Variants in POLRMT observed in about 807,000 individuals in gnomAD.
POLRMT encodes DNA-directed RNA polymerase, mitochondrial.
Under a neutral mutation model 132.2 loss-of-function variants are expected in POLRMT, and 114 were observed. That is an observed-to-expected ratio of 0.86 (90% CI 0.74 to 1.01). The LOEUF (loss-of-function observed/expected upper bound fraction) is 1.01. POLRMT is among the 50% of genes least tolerant of loss of function. The pLI is 0.00. For synonymous variants in POLRMT, 1,020 were observed against 773.4 expected (o/e 1.32, Z -5.29); for missense variants, 2,003 against 1,729.1 (o/e 1.16, Z -2.81).
rs771660305 is a variant in POLRMT, at chr19:622,672, G to A, written c.1536C>T (p.His512=). 21 of 1,606,088 alleles carry A rather than the reference G, an allele frequency of 1.3e-5. No homozygotes were observed. Among genetic ancestry groups the A allele is most frequent in the Non-Finnish European group, 1.6e-5 (19 of 1,177,678 alleles). ...CACTGACCCGCTGCCTCTGCACCAC[G>A]TGCCGGCTGAAAGTGCGCGCACTCA... ...RELSARTFSR[H]VVQRQRVSGQ... is the part of the protein sequence containing the mutation. Residue 512 remains histidine, a synonymous_variant, in exon 8 of 21, where the codon CAC becomes CAT. Coordinates refer to ENST00000588649, the MANE Select transcript of POLRMT (RefSeq NM_005035.4).
intron 14 of POLRMT, 24 bp from the exon 15 acceptor site, chr19:619,134 G>C (rs924688254): frequency 2.5e-6 from 4 of 1,610,844 alleles, no homozygotes; most frequent in Non-Finnish European, 3.4e-6. Flanking sequence ...GCCGTCTCAG[G>C]GCAGGGGGCT....
chr19:624,239 T>G (rs1984853577), intron 5 of POLRMT, among the ~76,000 whole-genome samples: 1 of 152,142 alleles, frequency 6.6e-6, no homozygotes, highest in African/African-American at 2.4e-5. Flanking sequence ...TGTGGTCCCA[T>G]TTCTATGGAA....
intron 13 of POLRMT, 77 bp from the exon 14 acceptor site, chr19:619,373 ACT>A (rs1984311542): frequency 2.0e-6 from 3 of 1,512,014 alleles, no homozygotes; most frequent in Middle Eastern, 2.4e-4. Context: ...TTTCAGAGCC[ACT>A]GAGGCCCAAG....
chr19:627,312 CG>C (rs374280655), intron 3 of POLRMT, among the ~76,000 whole-genome samples: 36 of 152,048 alleles, frequency 2.4e-4, no homozygotes, highest in African/African-American at 8.7e-4. Flanking sequence ...CCACCACACC[CG>C]GCTAATTTTT....
At chr19:619,480 G>A (rs1370007635) in intron 13 of POLRMT, 106 bp downstream of exon 13, 11 of 1,475,764 alleles carry the variant, frequency 7.5e-6, no homozygotes, top group Admixed American at 3.6e-5. Context: ...AGTGGTCTGG[G>A]GGAGCAGCCA....
intron 2 of POLRMT, among the ~76,000 whole-genome samples, chr19:630,828 T>G (rs1396222081): frequency 1.3e-5 from 2 of 152,222 alleles, no homozygotes; most frequent in South Asian, 2.1e-4. Context: ...AATCAATGCC[T>G]AAGTGTTCTG....
chr19:623,644 G>A, intron 5 of POLRMT, 41 bp from the exon 6 acceptor site: 4 of 1,603,016 alleles, frequency 2.5e-6, no homozygotes, highest in South Asian at 1.1e-5. Flanking sequence ...CTTGCCAGAG[G>A]GCGACCTGCC....
At position 621,177 on chromosome 19, in the gene POLRMT, G is replaced by C. The variant is rs556290665; in HGVS notation, c.2521C>G (p.Leu841Val). ...RPLGPHGLDW[L>V]KIHLVNLTGL... ...GTGAGATTGACCAGGTGGATCTTGA[G>C]CCAATCCAGGCCGTGCGGGCCGAGC... Residue 841 changes from leucine (L) to valine (V), a missense_variant, in exon 10 of 21, where the codon CTC becomes GTC. Physicochemically the swap from Leu to Val is conservative, Grantham distance 32 (BLOSUM62 1). Transcript: ENST00000588649. 30 of 1,610,796 alleles carry C rather than the reference G, an allele frequency of 1.9e-5. No homozygotes were observed. In the South Asian group the frequency reaches 3.2e-4, roughly 17 times the overall value.
rs1335800925 is a variant in POLRMT, at chr19:619,358, CCCT to C, written c.3067-65_3067-63del. The C allele has an allele frequency of 1.4e-5, 21 of 1,553,056 alleles. No individual in the cohort carries two copies. The Admixed American group carries it at 2.9e-4, about 21-fold the overall frequency. On this transcript the variant is annotated intron_variant, in intron 13 of 20. Coordinates refer to ENST00000588649, the MANE Select transcript of POLRMT (RefSeq NM_005035.4). ...GCTGGCCCGTTCACGCCCTACTCCCCCCTATTTCAGAGCCACTGAGGCCCAAGG... is the reference window on the plus strand; with the variant it reads ...GCTGGCCCGTTCACGCCCTACTCCCCATTTCAGAGCCACTGAGGCCCAAGG...
At chr19:633,334 G>C (rs570727387) in intron 1 of POLRMT, 91 bp downstream of exon 1, 7 of 1,355,612 alleles carry the variant, frequency 5.2e-6, no homozygotes, top group South Asian at 3.8e-5. Flanking sequence ...GGTGCAAAGA[G>C]GCAAAGGTCA....
At position 620,405 on chromosome 19, in the gene POLRMT, G is replaced by C. The variant is rs746698090; in HGVS notation, c.2723C>G (p.Ser908Cys). The change falls in exon 11 of 21, where the codon TCC becomes TGC. Residue 908 changes from serine (S) to cysteine (C), a missense_variant. Physicochemically the swap from Ser to Cys is moderately radical, Grantham distance 112 (BLOSUM62 -1). Transcript: ENST00000588649. ...CMEVANAVRA[S>C]DPAAYVSHLP... ...GTGGGAGACATAGGCGGCAGGGTCG[G>C]AGGCGCGCACAGCGTTCGCCACCTC... The C allele has an allele frequency of 5.7e-6, 9 of 1,587,352 alleles. No homozygotes were observed. In the African/African-American group the frequency reaches 1.1e-4, roughly 19 times the overall value.
chr19:631,779 T>G (rs1985437392), intron 2 of POLRMT, among the ~76,000 whole-genome samples: 1 of 152,204 alleles, frequency 6.6e-6, no homozygotes, highest in Non-Finnish European at 1.5e-5. Flanking sequence ...ATTTCCCTCG[T>G]TGCCCAGGCT....
intron 11 of POLRMT, 107 bp from the exon 12 acceptor site, chr19:620,187 G>T: frequency 6.7e-7 from 1 of 1,486,946 alleles, no homozygotes; most frequent in Non-Finnish European, 9.0e-7. Context: ...GCACCCCCCA[G>T]CCAAGTGCAC....
intron 9 of POLRMT, 21 bp from the exon 10 acceptor site, chr19:621,867 G>C: frequency 1.3e-6 from 2 of 1,599,910 alleles, no homozygotes; most frequent in Non-Finnish European, 1.7e-6. Flanking sequence ...ACAGGCAGAC[G>C]GGTCAGGGCC....
In POLRMT at chr19:621,483, G is replaced by T. The variant is rs1296676802; in HGVS notation, c.2215C>A (p.Pro739Thr). ...GGCAGGTGGGCCTCGGGCGGCTGGG[G>T]CGCCTCGGAGGGCGGGGCCGGCACG... ...LGVPAPPSEA[P>T]QPPEAHLPHS... The change falls in exon 10 of 21, where the codon CCC (proline) becomes ACC (threonine). Residue 739 changes from proline (P) to threonine (T), a missense_variant. Physicochemically the swap from Pro to Thr is conservative, Grantham distance 38. Transcript: ENST00000588649. 7.3e-7 allele frequency: 1 copy of T among 1,368,848 alleles called. No individual in the cohort carries two copies. The highest frequency in any genetic ancestry group is 1.7e-5 in the South Asian group (1 of 59,264). 84.8% of individuals were successfully genotyped at this position (1,368,848 alleles called of 1,614,324 possible). A position where few individuals can be genotyped will look rare whatever the true frequency, so the allele number is the denominator to read the frequency against.
chr19:630,973 C>T (rs1286021074), intron 2 of POLRMT, among the ~76,000 whole-genome samples: 1 of 151,992 alleles, frequency 6.6e-6, no homozygotes, highest in Non-Finnish European at 1.5e-5. Flanking sequence ...GCCTGGCCAA[C>T]ATGGTGAAAC....
rs745742030 is a variant in POLRMT at position 619,260 on chromosome 19, G to A, written c.3103C>T (p.Gln1035Ter). Residue 1035 changes from glutamine (Q) to a stop codon, truncating the protein, a stop_gained, in exon 14 of 21, where the codon CAG (glutamine) becomes TAG (stop). Coordinates refer to ENST00000588649, the MANE Select transcript of POLRMT (RefSeq NM_005035.4). LOFTEE classifies it high-confidence loss of function. Reference sequence around the variant, plus strand: ...ATCTCCTGTAGACTCTTGAAGACCTGGCGTACGAGATAGTGAGAGGCCTCC... The same window carrying A: ...ATCTCCTGTAGACTCTTGAAGACCTAGCGTACGAGATAGTGAGAGGCCTCC... ...VWEASHYLVR[Q>*]VFKSLQEMFS... is the part of the protein sequence containing the mutation. 1.2e-6 allele frequency: 2 copies of A among 1,607,202 alleles called. No individual in the cohort carries two copies. The highest frequency in any genetic ancestry group is 2.2e-5 in the South Asian group (2 of 90,528).
In POLRMT at chr19:618,604, G is replaced by A. The variant is rs1186341192; in HGVS notation, c.3324-18C>T. 1.9e-6 allele frequency: 3 copies of A among 1,604,430 alleles called. No homozygotes were observed. The highest frequency in any genetic ancestry group is 2.2e-5 in the East Asian group (1 of 44,592). On this transcript the variant is annotated intron_variant, in intron 16 of 20. Coordinates refer to ENST00000588649, the MANE Select transcript of POLRMT (RefSeq NM_005035.4). ...TGGGCTTTCTGAGGACGGAACAGGT[G>A]CCGGTGGGGGCGGCCCAGGGACACC... is the stretch of plus-strand genomic sequence containing the variant.
At chr19:633,209 G>A (rs1277282904) in intron 1 of POLRMT, 2 of 611,456 alleles carry the variant, frequency 3.3e-6, no homozygotes, top group Non-Finnish European at 5.2e-6. Context: ...CCTGGGGTCA[G>A]GAGGCTGCAT....
Sources: allele counts gnomAD v4.1 joint callset (sites outside exome capture counted in the v4.1 genomes callset), GRCh38; gene constraint gnomAD v4.1.1; transcripts MANE v1.5; gene names NCBI Gene and HGNC (gene_info 2026-07-23, HGNC 2026-07-21).